The following MRTFB variants were observed in gnomAD, a reference collection of about 807,000 sequenced individuals.
MRTFB encodes myocardin-related transcription factor B.
A neutral mutation model predicts 104.2 loss-of-function variants in MRTFB; 29 were observed. That is an observed-to-expected ratio of 0.28 (90% CI 0.21 to 0.38). MRTFB has a LOEUF of 0.38. Among genes scored for constraint, MRTFB ranks in the 10% least tolerant of loss-of-function variants. The probability of loss-of-function intolerance (pLI) is 1.00; values close to 1 mark genes in which losing one functional copy is unlikely to be tolerated. For missense variants in MRTFB, 1,270 were observed against 1,341.6 expected (o/e 0.95, Z 0.83); for synonymous variants, 535 against 519.5 (o/e 1.03, Z -0.41).
At chr16:14,028,209 C>T in the MRTFB span, among the ~76,000 whole-genome samples, 3 of 151,872 alleles carry the variant, frequency 2.0e-5, no homozygotes, top group Non-Finnish European at 4.4e-5. Flanking sequence ...CACAACACAA[C>T]AAAACAAAAC....
chr16:14,068,422 G>C (rs2033543460), upstream of MRTFB, among the ~76,000 whole-genome samples: 2 of 152,098 alleles, frequency 1.3e-5, no homozygotes, highest in South Asian at 4.1e-4. Context: ...CAGGGGATTT[G>C]GGGATTTTCT....
At chr16:14,075,653 G>A (rs529817950) in intron 1 of MRTFB, among the ~76,000 whole-genome samples, 1 of 152,330 alleles carries the variant, frequency 6.6e-6, no homozygotes, top group African/African-American at 2.4e-5. Flanking sequence ...AACCATTAGA[G>A]TAGAGCTCCT....
Position 14,266,692 on chromosome 16 carries a change from C to T in MRTFB, c.*5248C>T, listed in dbSNP as rs2043960300. ...TCATCAGATCTTTTGTACATAGTGG[C>T]AGTATTGTAGCTGATCGGGAAATGT... On this transcript the variant is annotated 3_prime_UTR_variant, in exon 17 of 17. Coordinates refer to ENST00000571589, the MANE Select transcript of MRTFB (RefSeq NM_001308142.2). The T allele has an allele frequency of 6.6e-6, 1 of 152,106 alleles. No individual in the cohort carries two copies. The highest frequency in any genetic ancestry group is 1.5e-5 in the Non-Finnish European group (1 of 68,030). The allele number at this position is 152,106 out of a possible 1,614,324, so 9.4% of individuals were successfully genotyped here. A position where few individuals can be genotyped will look rare whatever the true frequency, so the allele number is the denominator to read the frequency against.
intron 8 of MRTFB, among the ~76,000 whole-genome samples, chr16:14,225,258 A>G (rs1483278562): frequency 1.3e-5 from 2 of 152,190 alleles, no homozygotes; most frequent in East Asian, 1.9e-4. Flanking sequence ...CTGTAACTCT[A>G]CTTTTTTTCC....
intron 3 of MRTFB, chr16:14,193,588 T>TA (rs2040296543): frequency 6.6e-6 from 1 of 152,232 alleles, no homozygotes; most frequent in African/African-American, 2.4e-5. Flanking sequence ...CTCCCCCCTC[T>TA]AGACTGTAAG....
At position 14,247,314 on chromosome 16, in the gene MRTFB, C is replaced by T. The variant is rs757749513; in HGVS notation, c.2054C>T (p.Pro685Leu). The T allele has an allele frequency of 6.2e-7, 1 of 1,614,234 alleles. No individual in the cohort carries two copies. Among genetic ancestry groups the T allele is most frequent in the Non-Finnish European group, 8.5e-7 (1 of 1,180,048 alleles). Residue 685 changes from proline to leucine, a missense_variant, in exon 12 of 17, where the codon CCT becomes CTT. Coordinates refer to ENST00000571589, the MANE Select transcript of MRTFB (RefSeq NM_001308142.2). ...KKAVVIKQEVPVGQAEQQSVV... is the reference protein window; with the variant it reads ...KKAVVIKQEVLVGQAEQQSVV... ...GCTGTAGTTATCAAGCAAGAGGTCCCTGTGGGCCAGGCAGAGCAGCAGAGT... is the reference window on the plus strand; with the variant it reads ...GCTGTAGTTATCAAGCAAGAGGTCCTTGTGGGCCAGGCAGAGCAGCAGAGT...
Position 14,073,072 on chromosome 16 carries a change from T to C in MRTFB, c.-129+1707T>C, listed in dbSNP as rs142492792. On this transcript the variant is annotated intron_variant, in intron 1 of 16. Transcript: ENST00000571589. ...GTGTGTGGTGTGAGGAAACGATCGC[T>C]AATGTTTAGACAGTTTTCCCTTACT... 3.3e-5 allele frequency among the ~76,000 whole-genome samples: 5 copies of C among 152,354 alleles called. No individual in the cohort carries two copies. The East Asian group carries it at 9.6e-4, about 29-fold the overall frequency.
intron 3 of MRTFB, chr16:14,195,689 A>T (rs1398551685): frequency 2.5e-6 from 1 of 403,706 alleles, no homozygotes; most frequent in African/African-American, 2.2e-5. Flanking sequence ...ACATGAGAAC[A>T]TTCTATACAA....
At chr16:14,017,707 ATATATTTTTTTT>A in the MRTFB span, among the ~76,000 whole-genome samples, 23 of 18,816 alleles carry the variant, frequency 1.2e-3, 2 homozygotes, top group South Asian at 0.013. Context: ...ATATATATAT[ATATATTTTTTTT>A]TTTTTTTTTT....
chr16:14,125,152 C>T (rs1184796896), intron 2 of MRTFB, among the ~76,000 whole-genome samples: 3 of 152,148 alleles, frequency 2.0e-5, no homozygotes, highest in South Asian at 2.1e-4. Flanking sequence ...GCTTGCTGTC[C>T]GGTGTGCTAA....
At chr16:14,135,396 A>C (rs958912998) in intron 2 of MRTFB, among the ~76,000 whole-genome samples, 1 of 152,194 alleles carries the variant, frequency 6.6e-6, no homozygotes, top group Non-Finnish European at 1.5e-5. Flanking sequence ...ACACATACTT[A>C]CCATTGTGTT....
At chr16:14,025,513 T>C in the MRTFB span, among the ~76,000 whole-genome samples, 10 of 152,250 alleles carry the variant, frequency 6.6e-5, no homozygotes, top group African/African-American at 2.4e-4. Context: ...AATAAATGAA[T>C]AACCTTCATG....
chr16:14,069,963 T>C (rs759102978), upstream of MRTFB, among the ~76,000 whole-genome samples: 1 of 152,194 alleles, frequency 6.6e-6, no homozygotes, highest in Non-Finnish European at 1.5e-5. Flanking sequence ...TTGAGTGAGG[T>C]TGAAACATGC....
chr16:14,038,705 T>C, the MRTFB span, among the ~76,000 whole-genome samples: 1 of 152,106 alleles, frequency 6.6e-6, no homozygotes, highest in African/African-American at 2.4e-5. Flanking sequence ...TATACCCCAG[T>C]TTATATGGGT....
chr16:14,200,449 C>T, intron 3 of MRTFB: 1 of 1,610,164 alleles, frequency 6.2e-7, no homozygotes, highest in East Asian at 2.2e-5. Context: ...AAGTCAAAAT[C>T]AGACATCCAG....
In MRTFB at chr16:14,262,794, C is replaced by G. The variant is rs1413149706; in HGVS notation, c.*1350C>G. On this transcript the variant is annotated 3_prime_UTR_variant, in exon 17 of 17. Transcript: ENST00000571589. ...GAGGTATATGACAAAATGTAAATAA[C>G]AAAAAACTGAAATCTACCAAAAGAG... The G allele has an allele frequency of 1.3e-5, 2 of 152,134 alleles. No homozygotes were observed. Among genetic ancestry groups the G allele is most frequent in the African/African-American group, 4.8e-5 (2 of 41,432 alleles). The allele number at this position is 152,134 out of a possible 1,614,324, so 9.4% of individuals were successfully genotyped here. A position where few individuals can be genotyped will look rare whatever the true frequency, so the allele number is the denominator to read the frequency against.
chr16:14,047,446 C>T, the MRTFB span, among the ~76,000 whole-genome samples: 4 of 152,192 alleles, frequency 2.6e-5, no homozygotes, highest in Middle Eastern at 3.2e-3. Context: ...GGTCAGATGG[C>T]GACCTCTGCC....
At chr16:14,112,202 G>C (rs1325491618) in intron 2 of MRTFB, among the ~76,000 whole-genome samples, 1 of 152,202 alleles carries the variant, frequency 6.6e-6, no homozygotes, top group Admixed American at 6.5e-5. Context: ...AAAGGAAAAA[G>C]GTGGCAGGAT....
intron 9 of MRTFB, among the ~76,000 whole-genome samples, chr16:14,234,763 C>CTT (rs2042419984): frequency 6.6e-6 from 1 of 152,044 alleles, no homozygotes; most frequent in Admixed American, 6.6e-5. Context: ...CCATTGCACT[C>CTT]TAGCTTGGGT....
Sources: gnomAD v4.1 joint callset for allele counts (sites outside exome capture counted in the v4.1 genomes callset) on GRCh38, gnomAD v4.1.1 for gene constraint, MANE v1.5 for transcripts, NCBI Gene and HGNC (gene_info 2026-07-23, HGNC 2026-07-21) for gene names.